The following ALG9 variants were observed in gnomAD, a reference collection of about 807,000 sequenced individuals.
The protein encoded by ALG9 is ALG9 alpha-1,2-mannosyltransferase, also known as alpha-1,2-mannosyltransferase ALG9.
In ALG9, 55 loss-of-function variants were observed where a neutral mutation model predicts 81.8. That is an observed-to-expected ratio of 0.67 (90% CI 0.54 to 0.84). The LOEUF is 0.84. Among genes scored for constraint, ALG9 ranks in the 40% least tolerant of loss-of-function variants. The pLI, the probability that ALG9 is intolerant of heterozygous loss-of-function variation, is 0.00. For missense variants in ALG9, 629 were observed against 745.0 expected (o/e 0.84, Z 1.81); for synonymous variants, 278 against 274.3 (o/e 1.01, Z -0.13).
intron 14 of ALG9, among the ~76,000 whole-genome samples, chr11:111,797,710 T>G (rs1288193869): frequency 6.6e-6 from 1 of 152,182 alleles, no homozygotes; most frequent in Non-Finnish European, 1.5e-5. Flanking sequence ...ACCAGATTAC[T>G]CTCTACAACA....
rs118019830 is a variant in ALG9, at chr11:111,863,568, G to A, written c.476+1613C>T. On this transcript the variant is annotated intron_variant, in intron 4 of 14. Transcript: ENST00000616540. ...TTAAAATCTGACATTTTTAGCTGTG[G>A]GAAGATTTTAAATAATGATCACTAA... Among the ~76,000 whole-genome samples, 1,011 of 151,990 alleles carry A rather than the reference G, an allele frequency of 6.7e-3. 6 individuals are homozygous for A. The highest frequency in any genetic ancestry group is 0.051 in the Middle Eastern group (15 of 294).
At chr11:111,774,452 A>G in the ALG9 span, among the ~76,000 whole-genome samples, 1 of 152,248 alleles carries the variant, frequency 6.6e-6, no homozygotes, top group African/African-American at 2.4e-5. Flanking sequence ...TGTGTAAAAT[A>G]GAATGCACAC....
intron 13 of ALG9, among the ~76,000 whole-genome samples, chr11:111,824,985 C>T (rs607327): frequency 0.71 from 108,516 of 152,064 alleles, 39,511 homozygotes; most frequent in African/African-American, 0.86. Context: ...TCAAACTTGA[C>T]AGGAAACCAG....
In ALG9 at chr11:111,809,550, A is replaced by G. The variant is rs1950404081; in HGVS notation, c.1733+93T>C. ...CACACACACACACACGATGGCTACT[A>G]GAGTCAACCCAGGACTGGAAGTTAT... On this transcript the variant is annotated intron_variant, in intron 14 of 14. Transcript: ENST00000616540. The G allele has an allele frequency of 3.4e-6, 5 of 1,457,678 alleles. No individual in the cohort carries two copies. The Admixed American group carries it at 8.4e-5, about 25-fold the overall frequency. 90.3% of individuals were successfully genotyped at this position (1,457,678 alleles called of 1,614,324 possible). A position where few individuals can be genotyped will look rare whatever the true frequency, so the allele number is the denominator to read the frequency against.
At chr11:111,834,258 G>A (rs1353387402) in intron 13 of ALG9, among the ~76,000 whole-genome samples, 3 of 152,226 alleles carry the variant, frequency 2.0e-5, no homozygotes, top group Non-Finnish European at 4.4e-5. Context: ...TTGATAGTGT[G>A]AGAAGAGACA....
intron 13 of ALG9, among the ~76,000 whole-genome samples, chr11:111,814,383 C>A (rs1555094862): frequency 6.6e-6 from 1 of 152,092 alleles, no homozygotes; most frequent in East Asian, 1.9e-4. Context: ...TCCCTCAGAA[C>A]AGGGGTGTGG....
chr11:111,856,504 C>T (rs4936786), intron 6 of ALG9, among the ~76,000 whole-genome samples: 108,290 of 151,602 alleles, frequency 0.71, 39,469 homozygotes, highest in African/African-American at 0.87. Context: ...AATATTTATA[C>T]ACACAGCATA....
intron 4 of ALG9, chr11:111,864,286 G>A (rs1301347757): frequency 1.8e-6 from 2 of 1,129,956 alleles, no homozygotes; most frequent in South Asian, 1.3e-5. Context: ...CCGCTATGAA[G>A]AAAGTGGTTC....
At chr11:111,792,846 G>C (rs1382541694) in intron 14 of ALG9, among the ~76,000 whole-genome samples, 2 of 152,122 alleles carry the variant, frequency 1.3e-5, no homozygotes, top group Non-Finnish European at 2.9e-5. Context: ...GCAGATTCTG[G>C]CTGTGATCTT....
intron 14 of ALG9, chr11:111,805,334 T>C (rs782456488): frequency 2.2e-6 from 1 of 456,048 alleles, no homozygotes; most frequent in South Asian, 1.5e-5. Context: ...AGTAAACGTT[T>C]GTTGTTTAAG....
intron 14 of ALG9, among the ~76,000 whole-genome samples, chr11:111,793,629 C>G (rs1055187518): frequency 1.2e-4 from 18 of 151,840 alleles, no homozygotes; most frequent in African/African-American, 4.4e-4. Context: ...GGCATGGTGG[C>G]GGGTGCCTGT....
At chr11:111,833,207 A>G (rs181808814) in intron 13 of ALG9, among the ~76,000 whole-genome samples, 1 of 152,318 alleles carries the variant, frequency 6.6e-6, no homozygotes, top group African/African-American at 2.4e-5. Flanking sequence ...CTGGAAGTGT[A>G]TCATTCACCT....
chr11:111,813,226 G>T (rs1555093348), intron 13 of ALG9, among the ~76,000 whole-genome samples: 1 of 152,236 alleles, frequency 6.6e-6, no homozygotes, highest in African/African-American at 2.4e-5. Context: ...TTGGGTAAAA[G>T]AGTTTGTGGA....
intron 14 of ALG9, among the ~76,000 whole-genome samples, chr11:111,792,739 G>C (rs1947619680): frequency 6.6e-6 from 1 of 152,264 alleles, no homozygotes; most frequent in African/African-American, 2.4e-5. Context: ...CAAAAAAGGT[G>C]AGAATTACAT....
chr11:111,775,486 C>T, the ALG9 span, among the ~76,000 whole-genome samples: 4 of 152,138 alleles, frequency 2.6e-5, no homozygotes, highest in Non-Finnish European at 5.9e-5. Flanking sequence ...TAGCTGGAGG[C>T]CCCCAGTGTT....
intron 14 of ALG9, among the ~76,000 whole-genome samples, chr11:111,790,695 A>G (rs2136220582): frequency 6.6e-6 from 1 of 152,360 alleles, no homozygotes; most frequent in South Asian, 2.1e-4. Flanking sequence ...ATTACAGAAG[A>G]GAAATGCAAA....
intron 3 of ALG9, among the ~76,000 whole-genome samples, chr11:111,865,825 G>A (rs1555152342): frequency 1.3e-5 from 2 of 151,982 alleles, no homozygotes; most frequent in African/African-American, 4.8e-5. Context: ...AGATTTAGAT[G>A]AGTATTTTTC....
chr11:111,863,124 C>T (rs1413244763), intron 4 of ALG9, among the ~76,000 whole-genome samples: 1 of 152,102 alleles, frequency 6.6e-6, no homozygotes, highest in South Asian at 2.1e-4. Flanking sequence ...GTAATCCCAG[C>T]ACTTTGGGAG....
At chr11:111,792,927 A>T (rs1947647165) in intron 14 of ALG9, among the ~76,000 whole-genome samples, 1 of 152,232 alleles carries the variant, frequency 6.6e-6, no homozygotes, top group Admixed American at 6.5e-5. Flanking sequence ...ATCAGAAAGC[A>T]GCCAATATAT....
Sources: allele counts gnomAD v4.1 joint callset (sites outside exome capture counted in the v4.1 genomes callset), GRCh38; gene constraint gnomAD v4.1.1; transcripts MANE v1.5; gene names NCBI Gene and HGNC (gene_info 2026-07-23, HGNC 2026-07-21).